RIMBP2: variants seen among roughly 807,000 people sequenced by gnomAD.
RIMBP2 encodes the protein RIMS-binding protein 2.
RIMBP2 carries 48 observed loss-of-function variants against 118.6 expected under a neutral mutation model. The observed-to-expected ratio is 0.40, with a 90% confidence interval of 0.32 to 0.51. The LOEUF (loss-of-function observed/expected upper bound fraction) is 0.51, where lower values mean the gene tolerates loss of function less well. Ranked by LOEUF, RIMBP2 falls within the 20% of genes least tolerant of loss-of-function variation. The probability of loss-of-function intolerance (pLI) is 0.41; values close to 1 mark genes in which losing one functional copy is unlikely to be tolerated. For missense variants in RIMBP2, 1,551 were observed against 1,768.3 expected, an observed-to-expected ratio of 0.88 and a Z score of 2.20; for synonymous variants, 762 against 742.9, an observed-to-expected ratio of 1.03 and a Z score of -0.42.
intron 5 of RIMBP2, among the ~76,000 whole-genome samples, chr12:130,478,695 T>C (rs1427463048): frequency 5.3e-5 from 8 of 152,204 alleles, no homozygotes; most frequent in African/African-American, 1.2e-4. Context: ...GGTTAGAGCT[T>C]TGCATCTGCT....
chr12:130,423,349 C>T (rs1054414066), intron 16 of RIMBP2, among the ~76,000 whole-genome samples: 9 of 152,200 alleles, frequency 5.9e-5, no homozygotes, highest in East Asian at 3.9e-4. Flanking sequence ...GTCACTGAGG[C>T]ACGGATCTCG....
At chr12:130,627,806 CA>C (rs980553565) in intron 2 of RIMBP2, among the ~76,000 whole-genome samples, 3 of 152,208 alleles carry the variant, frequency 2.0e-5, no homozygotes, top group African/African-American at 7.2e-5. Flanking sequence ...CGTCCACTAC[CA>C]TCCTGGTGCA....
rs2061251072 is a variant in RIMBP2, at chr12:130,620,631, G to T, written c.-217+7691C>A. Among the ~76,000 whole-genome samples, 1 of 152,270 alleles carries T rather than the reference G, an allele frequency of 6.6e-6. No homozygotes were observed. Among genetic ancestry groups the T allele is most frequent in the Admixed American group, 6.5e-5 (1 of 15,300 alleles). ...CGTGCCTGTCCCCGGCTTCTGTGGT[G>T]GCTGACATTCTTGGTACTTCGTGGC... On this transcript the variant is annotated intron_variant, in intron 2 of 22. Transcript: ENST00000690449. The surrounding 1 kb of genome is among the most constrained non-coding windows in gnomAD (Gnocchi z 5.3).
chr12:130,587,773 T>C (rs1308175491), intron 2 of RIMBP2, among the ~76,000 whole-genome samples: 1 of 139,002 alleles, frequency 7.2e-6, no homozygotes, highest in Non-Finnish European at 1.5e-5. Flanking sequence ...GGCACATGTA[T>C]ACATATGTAA....
In RIMBP2 at chr12:130,600,828, CAT is replaced by C. The variant is rs145152518; in HGVS notation, c.-217+27492_-217+27493del. The stretch of plus-strand genomic sequence containing the variant: ...TGATCCGGTAGTTCATCTGAAAACT[CAT>C]TTAACTGAATGCTCCAAGGGATGAC... On this transcript the variant is annotated intron_variant, in intron 2 of 22. Transcript: ENST00000690449. Among the ~76,000 whole-genome samples the C allele has an allele frequency of 8.7e-3, 1,326 of 152,298 alleles. 19 individuals are homozygous for C. Among genetic ancestry groups the C allele is most frequent in the African/African-American group, 0.031 (1,268 of 41,550 alleles).
chr12:130,524,631 G>A (rs921604011), intron 2 of RIMBP2, among the ~76,000 whole-genome samples: 4 of 152,204 alleles, frequency 2.6e-5, no homozygotes, highest in Non-Finnish European at 5.9e-5. Flanking sequence ...GTGTTTAAGT[G>A]AAATAATAGA....
intron 1 of RIMBP2, chr12:130,667,816 A>G (rs2064018878): frequency 6.6e-6 from 1 of 152,150 alleles, no homozygotes. Flanking sequence ...AACTCTGGCC[A>G]CCGAGGCTCA....
intron 2 of RIMBP2, among the ~76,000 whole-genome samples, chr12:130,626,027 C>G (rs2061599468): frequency 6.6e-6 from 1 of 152,032 alleles, no homozygotes; most frequent in African/African-American, 2.4e-5. Context: ...AAACTGATAC[C>G]ATTATATTAA....
intron 2 of RIMBP2, among the ~76,000 whole-genome samples, chr12:130,521,073 G>A (rs2052056711): frequency 2.0e-5 from 3 of 152,154 alleles, no homozygotes; most frequent in Admixed American, 2.0e-4. Context: ...AGGCCTTGGG[G>A]GGGAAATCAG....
At chr12:130,493,026 G>A (rs1376496904) in intron 4 of RIMBP2, among the ~76,000 whole-genome samples, 1 of 152,058 alleles carries the variant, frequency 6.6e-6, no homozygotes, top group African/African-American at 2.4e-5. Flanking sequence ...AGCTATTCAG[G>A]GGACTGGGGC....
At chr12:130,510,746 G>C (rs2050831923) in intron 3 of RIMBP2, among the ~76,000 whole-genome samples, 1 of 152,208 alleles carries the variant, frequency 6.6e-6, no homozygotes, top group East Asian at 1.9e-4. Context: ...TGGAATTACA[G>C]ATGTGAACCA....
rs532890538 is a variant in RIMBP2 at position 130,544,152 on chromosome 12, C to G, written c.-216-26235G>C. 2.8e-4 allele frequency among the ~76,000 whole-genome samples: 43 copies of G among 152,318 alleles called. 1 individual carries two copies. The South Asian group carries it at 7.7e-3, about 27-fold the overall frequency. On this transcript the variant is annotated intron_variant, in intron 2 of 22. Coordinates refer to ENST00000690449, the MANE Select transcript of RIMBP2 (RefSeq NM_001393629.1). Reference sequence around the variant, plus strand: ...ATTTATCCATATCCTATCTGTAAGGCTTTTTGATGTCCTTCCTCTTCTGTC... The same window carrying G: ...ATTTATCCATATCCTATCTGTAAGGGTTTTTGATGTCCTTCCTCTTCTGTC...
At position 130,437,119 on chromosome 12, in the gene RIMBP2, G is replaced by A. The variant is rs2292664; in HGVS notation, c.1829C>T (p.Pro610Leu). ...TGGCTTTGATTGGGGTGCAGGTCTCGGGTGGGGGGTAGGAGGCACCAGGAG... is the reference window on the plus strand; with the variant it reads ...TGGCTTTGATTGGGGTGCAGGTCTCAGGTGGGGGGTAGGAGGCACCAGGAG... ...PELLVPPTPH[P>L]RPAPQSKPLA... The change falls in exon 13 of 23, where the codon CCG becomes CTG. Residue 610 changes from proline to leucine, a missense_variant. By Grantham distance (98) the Pro-to-Leu change is moderately conservative. Coordinates refer to ENST00000690449, the MANE Select transcript of RIMBP2 (RefSeq NM_001393629.1). 1.6e-5 allele frequency: 26 copies of A among 1,583,406 alleles called. No homozygotes were observed. The highest frequency in any genetic ancestry group is 2.3e-5 in the East Asian group (1 of 44,058).
At chr12:130,687,926 G>A (rs1485790964) in intron 1 of RIMBP2, among the ~76,000 whole-genome samples, 1 of 152,184 alleles carries the variant, frequency 6.6e-6, no homozygotes, top group Non-Finnish European at 1.5e-5. Flanking sequence ...TGTATCCACA[G>A]ATGAATTAAA....
intron 1 of RIMBP2, among the ~76,000 whole-genome samples, chr12:130,655,714 T>C (rs563880169): frequency 2.0e-5 from 3 of 152,294 alleles, no homozygotes; most frequent in Admixed American, 6.5e-5. Flanking sequence ...CAAACACAGA[T>C]ACATATGTGC....
chr12:130,637,358 G>A (rs1474709149), intron 1 of RIMBP2, among the ~76,000 whole-genome samples: 5 of 152,220 alleles, frequency 3.3e-5, no homozygotes, highest in Non-Finnish European at 7.3e-5. Context: ...GCAGTGCCTG[G>A]AACGCAGGAA....
intron 14 of RIMBP2, chr12:130,432,100 C>G: frequency 2.6e-6 from 1 of 389,250 alleles, no homozygotes; most frequent in Non-Finnish European, 5.1e-6. Context: ...GGTCCTTCAC[C>G]CAGAGAACAA....
intron 2 of RIMBP2, among the ~76,000 whole-genome samples, chr12:130,584,274 ACCT>A (rs2058697755): frequency 1.7e-5 from 1 of 59,380 alleles, no homozygotes; most frequent in Non-Finnish European, 3.5e-5. Flanking sequence ...CACCACCATC[ACCT>A]CATCGCCATC....
intron 5 of RIMBP2, among the ~76,000 whole-genome samples, chr12:130,478,039 G>A (rs539069249): frequency 7.2e-5 from 11 of 152,324 alleles, no homozygotes; most frequent in Non-Finnish European, 1.2e-4. Context: ...CATAGGCTCC[G>A]GGAGCACCAC....
Sources: allele counts gnomAD v4.1 joint callset (sites outside exome capture counted in the v4.1 genomes callset), GRCh38; gene constraint gnomAD v4.1.1; non-coding constraint Gnocchi (gnomAD v3.1); transcripts MANE v1.5; gene names NCBI Gene and HGNC (gene_info 2026-07-23, HGNC 2026-07-21).